Variants in NR3C2 observed in about 807,000 individuals in gnomAD.
The protein encoded by NR3C2 is nuclear receptor subfamily 3 group C member 2.
In NR3C2, 15 loss-of-function variants were observed where a neutral mutation model predicts 86.4. The ratio of observed to expected loss-of-function variants is 0.17; its 90% CI spans 0.12 to 0.27. NR3C2 has a LOEUF of 0.27. Among genes scored for constraint, NR3C2 ranks in the 10% least tolerant of loss-of-function variants. NR3C2 has a pLI of 1.00. For synonymous variants in NR3C2, 458 were observed against 450.5 expected, an observed-to-expected ratio of 1.02 and a Z score of -0.21; for missense variants, 960 against 1,195.6, an observed-to-expected ratio of 0.80 and a Z score of 2.91.
At chr4:148,081,758 A>G (rs1020279902) in intron 8 of NR3C2, among the ~76,000 whole-genome samples, 6 of 152,216 alleles carry the variant, frequency 3.9e-5, no homozygotes, top group Non-Finnish European at 8.8e-5. Flanking sequence ...ATGAGCTGAA[A>G]CAGGGACAGT....
chr4:148,098,905 A>C (rs1285247591), intron 8 of NR3C2, among the ~76,000 whole-genome samples: 1 of 152,076 alleles, frequency 6.6e-6, no homozygotes, highest in Non-Finnish European at 1.5e-5. Flanking sequence ...CTCCTTATGA[A>C]ATTCCTTCAC....
At chr4:148,109,007 CT>C (rs1731928266) in intron 8 of NR3C2, among the ~76,000 whole-genome samples, 1 of 152,178 alleles carries the variant, frequency 6.6e-6, no homozygotes, top group Non-Finnish European at 1.5e-5. Flanking sequence ...AAACGAGCAG[CT>C]GCTATCAGCC....
chr4:148,209,219 G>T (rs992627819), intron 3 of NR3C2, among the ~76,000 whole-genome samples: 1 of 151,352 alleles, frequency 6.6e-6, no homozygotes, highest in African/African-American at 2.4e-5. Context: ...ACTCCAGCCT[G>T]GGCAACAGAG....
At chr4:148,191,354 G>A (rs925244603) in intron 4 of NR3C2, among the ~76,000 whole-genome samples, 5 of 152,210 alleles carry the variant, frequency 3.3e-5, no homozygotes, top group African/African-American at 4.8e-5. Context: ...GAAATCTGCT[G>A]TTAATCTGAT....
chr4:148,082,252 T>TA lies in NR3C2; in HGVS notation c.2800-754dup, dbSNP rs1037399987. ...CAGACCTGACCTACTCCTACTTTAT[T>TA]AAAAAAAAATTGGAGGCTGGCAATA... is the stretch of plus-strand genomic sequence containing the variant. On this transcript the variant is annotated intron_variant, in intron 8 of 8. Transcript: ENST00000358102. Among the ~76,000 whole-genome samples, 33 of 151,702 alleles carry TA rather than the reference T, an allele frequency of 2.2e-4. No homozygotes were observed. The South Asian group carries it at 4.6e-3, about 21-fold the overall frequency.
At chr4:148,156,748 G>A (rs28789690) in intron 4 of NR3C2, among the ~76,000 whole-genome samples, 17,542 of 152,048 alleles carry the variant, frequency 0.12, 1,196 homozygotes, top group African/African-American at 0.18. Flanking sequence ...TCAGTGTGGC[G>A]TTTCCTCAGG....
intron 8 of NR3C2, 92 bp downstream of exon 8, chr4:148,114,012 C>G: frequency 6.8e-7 from 1 of 1,470,448 alleles, no homozygotes; most frequent in Non-Finnish European, 9.4e-7. Context: ...AGCATGACAC[C>G]CTGAAAACTC....
intron 2 of NR3C2, among the ~76,000 whole-genome samples, chr4:148,320,080 G>C (rs1249484376): frequency 8.0e-6 from 1 of 124,738 alleles, no homozygotes; most frequent in East Asian, 2.3e-4. Context: ...AGAGTTTTTA[G>C]CATGAATGGT....
chr4:148,379,269 A>G (rs571298198), intron 2 of NR3C2, among the ~76,000 whole-genome samples: 1 of 152,096 alleles, frequency 6.6e-6, no homozygotes, highest in East Asian at 1.9e-4. Context: ...TTTAAATACC[A>G]GAAATGCTCA....
Position 148,080,915 on chromosome 4 carries a change from C to T in NR3C2, c.*429G>A, listed in dbSNP as rs1364311537. 1 of 327,006 alleles carries T rather than the reference C, an allele frequency of 3.1e-6. No homozygotes were observed. Among genetic ancestry groups the T allele is most frequent in the East Asian group, 7.9e-5 (1 of 12,660 alleles). 20.3% of individuals were successfully genotyped at this position (327,006 alleles called of 1,614,324 possible). On this transcript the variant is annotated 3_prime_UTR_variant, in exon 9 of 9. Transcript: ENST00000358102. ...TTTTAATAACAAAAGAATATTAATG[C>T]CCCATATTGACTATACGTTTTATGT...
chr4:148,296,044 CAAAAAA>C (rs529710200), intron 2 of NR3C2, among the ~76,000 whole-genome samples: 24 of 73,938 alleles, frequency 3.2e-4, no homozygotes, highest in African/African-American at 1.1e-3. Context: ...GAGCTGAGGC[CAAAAAA>C]AAAAAAAAAA....
intron 4 of NR3C2, among the ~76,000 whole-genome samples, chr4:148,182,725 T>G (rs981722362): frequency 7.2e-5 from 11 of 152,238 alleles, no homozygotes; most frequent in African/African-American, 2.7e-4. Flanking sequence ...ACAGGGGACC[T>G]GCTGAGTGAG....
chr4:148,399,175 T>C (rs553372210), intron 2 of NR3C2, among the ~76,000 whole-genome samples: 124 of 152,220 alleles, frequency 8.1e-4, no homozygotes, highest in Non-Finnish European at 1.6e-3. Context: ...CTCTGGCCTT[T>C]GTGTTAACTG....
chr4:148,086,341 T>C (rs6832062), intron 8 of NR3C2, among the ~76,000 whole-genome samples: 107,445 of 152,138 alleles, frequency 0.71, 37,965 homozygotes, highest in East Asian at 0.82. Flanking sequence ...AATCAATAAA[T>C]GTAATCCATT....
intron 3 of NR3C2, among the ~76,000 whole-genome samples, chr4:148,227,995 C>T (rs938097423): frequency 1.3e-5 from 2 of 152,166 alleles, no homozygotes; most frequent in Non-Finnish European, 2.9e-5. Context: ...GCTAGCTATG[C>T]TTCTTGTTAC....
At chr4:148,385,671 G>A (rs1747228050) in intron 2 of NR3C2, among the ~76,000 whole-genome samples, 1 of 152,126 alleles carries the variant, frequency 6.6e-6, no homozygotes, top group South Asian at 2.1e-4. Context: ...GAGAAAGACA[G>A]ATATACAATT....
intron 3 of NR3C2, among the ~76,000 whole-genome samples, chr4:148,249,347 A>T (rs1321312799): frequency 1.3e-5 from 2 of 152,170 alleles, no homozygotes; most frequent in African/African-American, 4.8e-5. Flanking sequence ...GAAACAAGTA[A>T]AAAGAACTTA....
At chr4:148,216,475 G>A (rs1288741873) in intron 3 of NR3C2, among the ~76,000 whole-genome samples, 4 of 152,106 alleles carry the variant, frequency 2.6e-5, no homozygotes, top group Non-Finnish European at 1.5e-5. Flanking sequence ...AGTGTTTGCC[G>A]AGAGTAAATG....
At chr4:148,375,942 G>A (rs2126413852) in intron 2 of NR3C2, among the ~76,000 whole-genome samples, 1 of 152,156 alleles carries the variant, frequency 6.6e-6, no homozygotes, top group South Asian at 2.1e-4. Context: ...TAACAAAAGA[G>A]AATTAGGAAG....
Sources: allele counts gnomAD v4.1 joint callset (sites outside exome capture counted in the v4.1 genomes callset), GRCh38; gene constraint gnomAD v4.1.1; transcripts MANE v1.5; gene names NCBI Gene and HGNC (gene_info 2026-07-23, HGNC 2026-07-21).